The following STARD9 variants were observed in gnomAD, a reference collection of about 807,000 sequenced individuals.
The protein encoded by STARD9 is StAR related lipid transfer domain containing 9.
A neutral mutation model predicts 399.8 loss-of-function variants in STARD9; 346 were observed. The ratio of observed to expected loss-of-function variants is 0.87; its 90% CI spans 0.79 to 0.95. STARD9 has a LOEUF of 0.95. Ranked by LOEUF, STARD9 falls within the 40% of genes least tolerant of loss-of-function variation. The pLI is 0.00. For missense variants in STARD9, 5,832 were observed against 5,667.5 expected, an observed-to-expected ratio of 1.03 and a Z score of -0.93; for synonymous variants, 2,203 against 2,143.5, an observed-to-expected ratio of 1.03 and a Z score of -0.77.
intron 3 of STARD9, among the ~76,000 whole-genome samples, chr15:42,587,609 C>CA (rs1383821094): frequency 6.6e-6 from 1 of 152,080 alleles, no homozygotes; most frequent in African/African-American, 2.4e-5. Context: ...TCTTGTTGCC[C>CA]AGCCTGGAGT....
At chr15:42,632,166 T>C (rs535748384) in intron 3 of STARD9, among the ~76,000 whole-genome samples, 1 of 152,348 alleles carries the variant, frequency 6.6e-6, no homozygotes, top group South Asian at 2.1e-4. Flanking sequence ...ATCCTTTTGC[T>C]GAATTGACCC....
At chr15:42,578,106 A>ATTTTTTTTTTTTTTTTTTTTT (rs57016102) in intron 1 of STARD9, among the ~76,000 whole-genome samples, 1 of 134,124 alleles carries the variant, frequency 7.5e-6, no homozygotes. Context: ...TTGACGCTCA[A>ATTTTTTTTTTTTTTTTTTTTT]TTTTTTTTTT....
chr15:42,592,948 A>G (rs190308441), intron 3 of STARD9, among the ~76,000 whole-genome samples: 1 of 152,284 alleles, frequency 6.6e-6, no homozygotes, highest in Admixed American at 6.5e-5. Flanking sequence ...TACTTTGGGC[A>G]AGTTGCTTAT....
intron 26 of STARD9, among the ~76,000 whole-genome samples, chr15:42,704,098 A>G (rs1278320001): frequency 6.6e-6 from 1 of 151,874 alleles, no homozygotes; most frequent in Non-Finnish European, 1.5e-5. Flanking sequence ...TTTAGTAGAG[A>G]TGGGGTTTTA....
rs1339914453 is a variant in STARD9, at chr15:42,692,921, A to G, written c.11343A>G (p.Val3781=). Residue 3781 remains valine, a synonymous_variant, in exon 23 of 33, where the codon GTA becomes GTG. Coordinates refer to ENST00000290607, the MANE Select transcript of STARD9 (RefSeq NM_020759.3). ...AAGAAGAGGGAGATGTGCCAGGGGTACCTCAGAAGAGAGAGGCAGAGGAAA... is the reference window on the plus strand; with the variant it reads ...AAGAAGAGGGAGATGTGCCAGGGGTGCCTCAGAAGAGAGAGGCAGAGGAAA... ...VSQEEGDVPG[V]PQKREAEETA... is the part of the protein sequence containing the mutation. The G allele has an allele frequency of 4.6e-6, 7 of 1,537,122 alleles. No individual in the cohort carries two copies. Among genetic ancestry groups the G allele is most frequent in the Non-Finnish European group, 6.1e-6 (7 of 1,146,906 alleles).
At position 42,692,441 on chromosome 15, in the gene STARD9, G is replaced by T; in HGVS notation, c.10863G>T (p.Leu3621=). 5 of 1,537,144 alleles carry T rather than the reference G, an allele frequency of 3.3e-6. No individual in the cohort carries two copies. Among genetic ancestry groups the T allele is most frequent in the Non-Finnish European group, 4.4e-6 (5 of 1,146,920 alleles). ...GTCCAGTGGATGAGATTATGCTGCT[G>T]TATCCATCAGAGGCAGGCTGCCCTG... ...AAGPVDEIML[L]YPSEAGCPVG... is the part of the protein sequence containing the mutation. Residue 3621 remains leucine (L), a synonymous_variant, in exon 23 of 33, where the codon CTG becomes CTT. Transcript: ENST00000290607.
In STARD9 at chr15:42,717,968, TC is replaced by T; in HGVS notation, c.13560-3del. ...CTTTCTATTTTCTGTGCTTGGTGTC[TC>T]CCCCCAGCTATCAGGGTGAGGAGCA... On this transcript the variant is annotated splice_region_variant and splice_polypyrimidine_tract_variant and intron_variant, in intron 29 of 32. Transcript: ENST00000290607. The T allele has an allele frequency of 3.9e-6, 6 of 1,536,748 alleles. No homozygotes were observed. Among genetic ancestry groups the T allele is most frequent in the Non-Finnish European group, 5.2e-6 (6 of 1,146,532 alleles).
In STARD9 at chr15:42,686,625, C is replaced by G. The variant is rs1566937496; in HGVS notation, c.5047C>G (p.Pro1683Ala). Residue 1683 changes from proline (P) to alanine (A), a missense_variant, in exon 23 of 33, where the codon CCA (proline) becomes GCA (alanine). By Grantham distance (27) the Pro-to-Ala change is conservative. This residue lies in a region of STARD9 where 5,828 missense variants were observed against 5,651.1 expected (regional missense o/e 1.03). Transcript: ENST00000290607. The stretch of plus-strand genomic sequence containing the variant: ...TCTCAGGAAAAATAGTGCAGTCCAG[C>G]CAGGGCAATTAAGTCCCGACAGCCA... ...APLRKNSAVQ[P>A]GQLSPDSHYP... 6.5e-7 allele frequency: 1 copy of G among 1,537,248 alleles called. No individual in the cohort carries two copies.
chr15:42,659,111 G>A (rs1172461368), intron 9 of STARD9, among the ~76,000 whole-genome samples: 1 of 151,868 alleles, frequency 6.6e-6, no homozygotes, highest in Non-Finnish European at 1.5e-5. Flanking sequence ...AGACTCCCTC[G>A]AAAGAAAGAA....
At chr15:42,678,803 G>C (rs1318887843) in intron 20 of STARD9, among the ~76,000 whole-genome samples, 1 of 152,194 alleles carries the variant, frequency 6.6e-6, no homozygotes, top group Non-Finnish European at 1.5e-5. Flanking sequence ...ATGAAGACTT[G>C]CCCTTTGTAA....
At chr15:42,671,695 AAG>A (rs1424756958) in intron 16 of STARD9, 3 of 151,726 alleles carry the variant, frequency 2.0e-5, no homozygotes, top group South Asian at 2.1e-4. Flanking sequence ...AGGAAGAAAA[AAG>A]AGAAAAAGGA....
intron 7 of STARD9, among the ~76,000 whole-genome samples, chr15:42,649,043 T>C (rs1019341458): frequency 1.3e-5 from 2 of 151,904 alleles, no homozygotes; most frequent in Non-Finnish European, 2.9e-5. Flanking sequence ...CATTTTTTTT[T>C]CTTTGAGATG....
chr15:42,680,638 A>G (rs1417669870), intron 20 of STARD9, among the ~76,000 whole-genome samples: 2 of 152,200 alleles, frequency 1.3e-5, no homozygotes, highest in Non-Finnish European at 2.9e-5. Context: ...TAAGCTTTTT[A>G]TTATGGAAGA....
At chr15:42,712,321 T>TTGATGATGA (rs2061258490) in intron 26 of STARD9, among the ~76,000 whole-genome samples, 2 of 150,298 alleles carry the variant, frequency 1.3e-5, no homozygotes, top group Non-Finnish European at 2.9e-5. Context: ...AAGTTTAATT[T>TTGATGATGA]TGATGATGTC....
intron 7 of STARD9, among the ~76,000 whole-genome samples, chr15:42,642,624 C>A (rs1330345823): frequency 6.6e-6 from 1 of 152,120 alleles, no homozygotes; most frequent in Non-Finnish European, 1.5e-5. Flanking sequence ...TTTTTTCTTG[C>A]CTTTCTGCAT....
At chr15:42,642,953 C>G (rs1350674453) in intron 7 of STARD9, among the ~76,000 whole-genome samples, 1 of 152,028 alleles carries the variant, frequency 6.6e-6, no homozygotes, top group Non-Finnish European at 1.5e-5. Flanking sequence ...CATGTGCCAT[C>G]ATGCCCAGCT....
rs753448969 is a variant in STARD9 at position 42,693,791 on chromosome 15, C to T, written c.12213C>T (p.Arg4071=). The change falls in exon 23 of 33, where the codon CGC becomes CGT. Residue 4071 remains arginine, a synonymous_variant. Transcript: ENST00000290607. ...CAGCATCTCCAGGGGAACCACAACG[C>T]ACTCTGGACCGACCTTCTTCATGGG... The part of the protein sequence containing the change: ...ESSASPGEPQ[R]TLDRPSSWGG... 9 of 1,535,990 alleles carry T rather than the reference C, an allele frequency of 5.9e-6. No individual in the cohort carries two copies. Among genetic ancestry groups the T allele is most frequent in the Non-Finnish European group, 6.1e-6 (7 of 1,146,458 alleles).
chr15:42,693,593 C>A lies in STARD9; in HGVS notation c.12015C>A (p.Pro4005=), dbSNP rs1463350745. 3.9e-6 allele frequency: 6 copies of A among 1,537,132 alleles called. 1 individual carries two copies. In the South Asian group the frequency reaches 5.9e-5, roughly 15 times the overall value. The change falls in exon 23 of 33, where the codon CCC becomes CCA. Residue 4005 remains proline, a synonymous_variant. Coordinates refer to ENST00000290607, the MANE Select transcript of STARD9 (RefSeq NM_020759.3). ...GGCAGCACCCTCAGCAGCTTCAGCCCAGGACAACTATCGGGGTCCAAAGCA... is the reference window on the plus strand; with the variant it reads ...GGCAGCACCCTCAGCAGCTTCAGCCAAGGACAACTATCGGGGTCCAAAGCA... ...FLGQHPQQLQ[P]RTTIGVQSRL... is the part of the protein sequence containing the mutation.
intron 3 of STARD9, among the ~76,000 whole-genome samples, chr15:42,626,580 A>AGCCTCC (rs2059229091): frequency 6.6e-6 from 1 of 150,772 alleles, no homozygotes; most frequent in African/African-American, 2.4e-5. Context: ...GGCTCACTGC[A>AGCCTCC]GCCTCCGCCT....
Sources: allele counts gnomAD v4.1 joint callset (sites outside exome capture counted in the v4.1 genomes callset), GRCh38; gene constraint gnomAD v4.1.1; regional missense constraint gnomAD v4.1.1; transcripts MANE v1.5; gene names NCBI Gene and HGNC (gene_info 2026-07-23, HGNC 2026-07-21).